Variants in DRD3 observed in about 807,000 individuals in gnomAD.
The protein encoded by DRD3 is dopamine receptor D3.
In DRD3, 19 loss-of-function variants were observed where a neutral mutation model predicts 36.3. That is an observed-to-expected ratio of 0.52 (90% CI 0.36 to 0.77). DRD3 has a LOEUF of 0.77. Among genes scored for constraint, DRD3 ranks in the 30% least tolerant of loss-of-function variants. DRD3 has a pLI of 0.00. For synonymous variants in DRD3, 195 were observed against 203.7 expected (o/e 0.96, Z 0.36); for missense variants, 465 against 505.3 (o/e 0.92, Z 0.77).
intron 1 of DRD3, chr3:114,199,249 T>A (rs573027097): frequency 1.3e-5 from 2 of 150,256 alleles, no homozygotes; most frequent in Non-Finnish European, 2.9e-5. Context: ...TAATTTATAA[T>A]GAACAGAAAT....
rs117517995 is a variant in DRD3, at chr3:114,185,064, A to G, written c.-155-6288T>C. ...TGCGCTTTCATAATTCACTGTCCTT[A>G]TATTTCAGAAGTTTGATTATAGTGA... is the stretch of plus-strand genomic sequence containing the variant. On this transcript the variant is annotated intron_variant, in intron 1 of 7. Coordinates refer to the DRD3 transcript ENST00000460779. Among the ~76,000 whole-genome samples the G allele has an allele frequency of 2.2e-4, 33 of 152,290 alleles. No individual in the cohort carries two copies. The East Asian group carries it at 6.4e-3, about 29-fold the overall frequency.
intron 4 of DRD3, among the ~76,000 whole-genome samples, chr3:114,147,095 A>G (rs536957872): frequency 6.6e-6 from 1 of 152,132 alleles, no homozygotes; most frequent in East Asian, 1.9e-4. Flanking sequence ...TGCCTGAATT[A>G]TTAATATATA....
intron 5 of DRD3, 26 bp downstream of exon 5, chr3:114,139,474 C>T (rs753365523): frequency 1.3e-5 from 21 of 1,599,248 alleles, no homozygotes; most frequent in Non-Finnish European, 1.8e-5. Flanking sequence ...GTGTTGTCTT[C>T]CCTCTACCCC....
intron 4 of DRD3, among the ~76,000 whole-genome samples, chr3:114,140,290 G>A (rs9288992): frequency 0.034 from 5,219 of 152,290 alleles, 107 homozygotes; most frequent in African/African-American, 0.061. Flanking sequence ...CTTGTCAGAG[G>A]TGGGATGGGA....
chr3:114,162,190 T>A (rs545074226), intron 2 of DRD3, among the ~76,000 whole-genome samples: 14 of 152,324 alleles, frequency 9.2e-5, no homozygotes, highest in Non-Finnish European at 1.6e-4. Flanking sequence ...ATACTAGAGA[T>A]CATCATGATA....
chr3:114,152,646 G>C (rs2077628257), intron 3 of DRD3, among the ~76,000 whole-genome samples: 1 of 152,222 alleles, frequency 6.6e-6, no homozygotes, highest in Non-Finnish European at 1.5e-5. Flanking sequence ...CAGCACGGCT[G>C]GGGTGAGAAG....
chr3:114,137,126 G>C, intron 5 of DRD3, among the ~76,000 whole-genome samples: 1 of 152,340 alleles, frequency 6.6e-6, no homozygotes, highest in African/African-American at 2.4e-5. Context: ...ATAGATATAT[G>C]TGTGGGAATC....
rs2077847103 is a variant in DRD3, at chr3:114,171,874, A to T, written c.119T>A (p.Ile40Asn). The stretch of plus-strand genomic sequence containing the variant: ...GCCATTGCCGAAGACGATGGCCAGG[A>T]TGAGCGCGCAGTAGGAGAGGGCATA... ...AYYALSYCAL[I>N]LAIVFGNGLV... Residue 40 changes from isoleucine (I) to asparagine (N), a missense_variant, in exon 2 of 7, where the codon ATC becomes AAC. Ile to Asn is a moderately radical substitution (Grantham distance 149). Transcript: ENST00000383673. 6.2e-7 allele frequency: 1 copy of T among 1,613,494 alleles called. No homozygotes were observed. The highest frequency in any genetic ancestry group is 1.3e-5 in the African/African-American group (1 of 74,924).
intron 4 of DRD3, among the ~76,000 whole-genome samples, chr3:114,146,088 C>A (rs774851194): frequency 3.9e-4 from 59 of 152,250 alleles, no homozygotes; most frequent in Non-Finnish European, 3.2e-4. Flanking sequence ...AGAGCCTATA[C>A]CTATCTTCCA....
intron 2 of DRD3, among the ~76,000 whole-genome samples, chr3:114,164,093 C>T (rs1051007787): frequency 7.1e-6 from 1 of 141,254 alleles, no homozygotes; most frequent in Non-Finnish European, 1.6e-5. Flanking sequence ...TGGTGGTGGG[C>T]GCCTGTTATC....
intron 1 of DRD3, among the ~76,000 whole-genome samples, chr3:114,193,387 CA>C: frequency 6.6e-6 from 1 of 152,164 alleles, no homozygotes; most frequent in Non-Finnish European, 1.5e-5. Context: ...CTACAACAAC[CA>C]GAATGAGATG....
chr3:114,192,397 C>T (rs1005580719), intron 1 of DRD3, among the ~76,000 whole-genome samples: 1 of 152,092 alleles, frequency 6.6e-6, no homozygotes, highest in African/African-American at 2.4e-5. Context: ...AGATTGTGGG[C>T]CAAAGTTCTG....
chr3:114,142,881 A>T (rs2107841962), intron 4 of DRD3, among the ~76,000 whole-genome samples: 1 of 152,286 alleles, frequency 6.6e-6, no homozygotes, highest in East Asian at 1.9e-4. Flanking sequence ...TAGATCAAGC[A>T]TTGCAGCCTC....
chr3:114,130,855 T>C (rs959664597), intron 6 of DRD3, among the ~76,000 whole-genome samples: 1 of 152,232 alleles, frequency 6.6e-6, no homozygotes, highest in African/African-American at 2.4e-5. Context: ...TGAATCATTA[T>C]CTTACTTATT....
At chr3:114,155,159 G>A (rs1446327809) in intron 3 of DRD3, among the ~76,000 whole-genome samples, 1 of 152,208 alleles carries the variant, frequency 6.6e-6, no homozygotes, top group Non-Finnish European at 1.5e-5. Flanking sequence ...CTGGCATTGT[G>A]TGAAGACCAA....
chr3:114,167,252 C>A (rs1328187641), intron 2 of DRD3, among the ~76,000 whole-genome samples: 7 of 152,114 alleles, frequency 4.6e-5, no homozygotes, highest in Admixed American at 4.6e-4. Flanking sequence ...TCCAAATGTT[C>A]CCCTGGCCGC....
At chr3:114,183,761 A>G (rs36212178), upstream of DRD3, among the ~76,000 whole-genome samples, 21,626 of 151,782 alleles carry the variant, frequency 0.14, 1,815 homozygotes, top group Admixed American at 0.23. Context: ...TTTGGTTACT[A>G]TTTGCATGAA....
At chr3:114,179,897 T>A (rs1409126554), upstream of DRD3, among the ~76,000 whole-genome samples, 2 of 152,200 alleles carry the variant, frequency 1.3e-5, no homozygotes, top group African/African-American at 4.8e-5. Context: ...CATGTACTTT[T>A]AGCCAGTCAT....
intron 5 of DRD3, among the ~76,000 whole-genome samples, chr3:114,134,132 C>T (rs1047463222): frequency 4.6e-5 from 7 of 152,184 alleles, no homozygotes; most frequent in African/African-American, 1.4e-4. Flanking sequence ...GTGTCAGCAA[C>T]AAAAACCCCT....
Sources: allele counts gnomAD v4.1 joint callset (sites outside exome capture counted in the v4.1 genomes callset), GRCh38; gene constraint gnomAD v4.1.1; transcripts MANE v1.5; gene names NCBI Gene and HGNC (gene_info 2026-07-23, HGNC 2026-07-21).